Variants in NRXN3 observed in about 807,000 individuals in gnomAD.
The protein encoded by NRXN3 is neurexin 3, also known as neurexin III.
A neutral mutation model predicts 137.6 loss-of-function variants in NRXN3; 32 were observed. The ratio of observed to expected loss-of-function variants is 0.23; its 90% CI spans 0.18 to 0.31. NRXN3 has a LOEUF of 0.31. Ranked by LOEUF, NRXN3 falls within the 10% of genes least tolerant of loss-of-function variation. The pLI, the probability that NRXN3 is intolerant of heterozygous loss-of-function variation, is 1.00. For synonymous variants in NRXN3, 798 were observed against 784.5 expected (o/e 1.02, Z -0.29); for missense variants, 1,574 against 2,062.5 (o/e 0.76, Z 4.59).
At chr14:78,647,467 G>T (rs2097698836) in intron 5 of NRXN3, among the ~76,000 whole-genome samples, 1 of 152,204 alleles carries the variant, frequency 6.6e-6, no homozygotes, top group Non-Finnish European at 1.5e-5. Flanking sequence ...CTCATCCATG[G>T]TCTAGGTATA....
At chr14:79,124,426 T>C (rs568675122) in intron 15 of NRXN3, among the ~76,000 whole-genome samples, 29 of 152,286 alleles carry the variant, frequency 1.9e-4, no homozygotes, top group African/African-American at 5.8e-4. Context: ...TTATTTAATC[T>C]CTGACAGATG....
intron 15 of NRXN3, among the ~76,000 whole-genome samples, chr14:79,367,142 C>T (rs909664554): frequency 9.2e-5 from 14 of 152,044 alleles, no homozygotes; most frequent in Non-Finnish European, 1.6e-4. Flanking sequence ...CACCACCACG[C>T]CTAGCTTATT....
intron 8 of NRXN3, among the ~76,000 whole-genome samples, chr14:78,797,031 A>G (rs1479134243): frequency 6.6e-6 from 1 of 152,196 alleles, no homozygotes; most frequent in Non-Finnish European, 1.5e-5. Context: ...TACAACAGAC[A>G]AAGGGCAAAA....
At chr14:78,799,623 C>T (rs1382203771) in intron 8 of NRXN3, among the ~76,000 whole-genome samples, 1 of 152,112 alleles carries the variant, frequency 6.6e-6, no homozygotes, top group Non-Finnish European at 1.5e-5. Context: ...TGTATTAGTC[C>T]ATTTTCATGC....
intron 10 of NRXN3, among the ~76,000 whole-genome samples, chr14:78,839,240 G>A (rs2099005410): frequency 6.6e-6 from 1 of 152,178 alleles, no homozygotes; most frequent in African/African-American, 2.4e-5. Flanking sequence ...GCTGGACTTA[G>A]AATGATGGCT....
Position 79,579,334 on chromosome 14 carries a change from G to GAT in NRXN3, c.3445-84433_3445-84432dup, listed in dbSNP as rs887438240. Among the ~76,000 whole-genome samples, 6 of 136,336 alleles carry GAT rather than the reference G, an allele frequency of 4.4e-5. No individual in the cohort carries two copies. In the South Asian group the frequency reaches 7.3e-4, roughly 16 times the overall value. The allele number at this position is 136,336 out of a possible 152,430, so 89.4% of individuals were successfully genotyped here. ...TAAGCAAATGTGTACGTATGTGTGA[G>GAT]ATATATATATATTTCATATATATAT... On this transcript the variant is annotated intron_variant, in intron 16 of 20. Coordinates refer to ENST00000335750, the MANE Select transcript of NRXN3 (RefSeq NM_001330195.2).
At chr14:78,931,954 C>T (rs1365175265) in intron 10 of NRXN3, among the ~76,000 whole-genome samples, 1 of 152,018 alleles carries the variant, frequency 6.6e-6, no homozygotes, top group Non-Finnish European at 1.5e-5. Context: ...CGAGACCAGT[C>T]CGGCCAACGT....
At chr14:78,331,953 C>T (rs1049811161) in intron 4 of NRXN3, among the ~76,000 whole-genome samples, 2 of 152,134 alleles carry the variant, frequency 1.3e-5, no homozygotes, top group South Asian at 2.1e-4. Flanking sequence ...AACCATGAAA[C>T]AGCTGGGTGT....
At chr14:79,096,250 G>A (rs976133295) in intron 15 of NRXN3, among the ~76,000 whole-genome samples, 3 of 151,866 alleles carry the variant, frequency 2.0e-5, no homozygotes, top group Non-Finnish European at 2.9e-5. Flanking sequence ...TGGGATTACA[G>A]GCACATGCTG....
intron 10 of NRXN3, among the ~76,000 whole-genome samples, chr14:78,830,962 T>A (rs933207133): frequency 6.6e-6 from 1 of 152,188 alleles, no homozygotes; most frequent in Admixed American, 6.5e-5. Flanking sequence ...TTTCACATAT[T>A]CTTACGATCA....
intron 14 of NRXN3, among the ~76,000 whole-genome samples, chr14:78,974,296 G>T (rs913313680): frequency 2.6e-5 from 4 of 152,204 alleles, no homozygotes; most frequent in African/African-American, 9.6e-5. Context: ...CTTAGGACTG[G>T]ATTTAGCGGA....
chr14:79,090,087 A>G (rs889121635), intron 15 of NRXN3, among the ~76,000 whole-genome samples: 1 of 152,162 alleles, frequency 6.6e-6, no homozygotes, highest in Non-Finnish European at 1.5e-5. Context: ...TTATATATCA[A>G]TTTTATAGAG....
At chr14:78,358,518 A>G (rs1414132086) in intron 4 of NRXN3, among the ~76,000 whole-genome samples, 1 of 152,180 alleles carries the variant, frequency 6.6e-6, no homozygotes, top group African/African-American at 2.4e-5. Context: ...CTTCAAGAAC[A>G]CTAAAAAGAG....
chr14:79,503,323 C>T (rs1409446477), intron 16 of NRXN3, among the ~76,000 whole-genome samples: 2 of 152,140 alleles, frequency 1.3e-5, no homozygotes, highest in Admixed American at 1.3e-4. Context: ...TAAAACCTCA[C>T]TGACACAGCA....
At chr14:78,313,494 T>A (rs4899707) in intron 4 of NRXN3, among the ~76,000 whole-genome samples, 38,023 of 151,098 alleles carry the variant, frequency 0.25, 4,902 homozygotes, top group East Asian at 0.35. Flanking sequence ...TTTTTTTTTT[T>A]AACAAAACTT....
chr14:79,810,150 G>A (rs891795903), intron 20 of NRXN3, among the ~76,000 whole-genome samples: 2 of 151,878 alleles, frequency 1.3e-5, no homozygotes, highest in African/African-American at 4.8e-5. Flanking sequence ...CATTTTTATA[G>A]TTTCAAGATT....
At chr14:78,825,011 G>T (rs904975063) in intron 10 of NRXN3, among the ~76,000 whole-genome samples, 1 of 151,870 alleles carries the variant, frequency 6.6e-6, no homozygotes, top group Admixed American at 6.6e-5. Flanking sequence ...AATAGTGGTT[G>T]TTCAAAGAGA....
At chr14:79,777,906 A>G (rs909554246) in intron 19 of NRXN3, among the ~76,000 whole-genome samples, 3 of 152,078 alleles carry the variant, frequency 2.0e-5, no homozygotes, top group Admixed American at 2.0e-4. Context: ...TTAACTATTT[A>G]CTATAGCTAC....
rs546251945 is a variant in NRXN3 at position 78,656,151 on chromosome 14, G to A, written c.1221+4825G>A. On this transcript the variant is annotated intron_variant, in intron 6 of 20. Transcript: ENST00000335750. Reference sequence around the variant, plus strand: ...AAACCTATAATATGCCAAGGACTGTGCTAAAATACAAATATGAGTCAAACA... The same window carrying A: ...AAACCTATAATATGCCAAGGACTGTACTAAAATACAAATATGAGTCAAACA... 4.6e-5 allele frequency among the ~76,000 whole-genome samples: 7 copies of A among 152,252 alleles called. No individual in the cohort carries two copies. The East Asian group carries it at 9.7e-4, about 21-fold the overall frequency.
Sources: gnomAD v4.1 joint callset for allele counts (sites outside exome capture counted in the v4.1 genomes callset) on GRCh38, gnomAD v4.1.1 for gene constraint, MANE v1.5 for transcripts, NCBI Gene and HGNC (gene_info 2026-07-23, HGNC 2026-07-21) for gene names.